The following GLRA2 variants were observed in gnomAD, a reference collection of about 807,000 sequenced individuals.
GLRA2 encodes the protein glycine receptor subunit alpha-2.
Under a neutral mutation model 31.6 loss-of-function variants are expected in GLRA2, and 11 were observed. The ratio of observed to expected loss-of-function variants is 0.35; its 90% CI spans 0.22 to 0.58. The LOEUF (loss-of-function observed/expected upper bound fraction) is 0.58, where lower values mean the gene tolerates loss of function less well. Ranked by LOEUF, GLRA2 falls within the 20% of genes least tolerant of loss-of-function variation. The probability of loss-of-function intolerance (pLI) is 0.84; values close to 1 mark genes in which losing one functional copy is unlikely to be tolerated. For missense variants in GLRA2, 212 were observed against 351.8 expected (o/e 0.60, Z 3.18); for synonymous variants, 132 against 134.0 (o/e 0.99, Z 0.10).
chrX:14,547,239 C>A (rs983232264), intron 2 of GLRA2, among the ~76,000 whole-genome samples: 1 of 110,898 alleles, frequency 9.0e-6, no homozygotes, highest in Non-Finnish European at 1.9e-5. Context: ...CTCTGGGGTG[C>A]CTGATTGCCT....
the GLRA2 span, among the ~76,000 whole-genome samples, chrX:14,451,941 A>AT: frequency 1.8e-4 from 20 of 111,664 alleles, no homozygotes; most frequent in Non-Finnish European, 3.0e-4. Flanking sequence ...TGCACCCAAC[A>AT]TTTTTTTCTA....
intron 7 of GLRA2, among the ~76,000 whole-genome samples, chrX:14,679,427 TAAA>T (rs373479993): frequency 9.7e-6 from 1 of 102,690 alleles, no homozygotes; most frequent in African/African-American, 3.6e-5. Flanking sequence ...TGATGATTGT[TAAA>T]AAAAAAAAGA....
intron 7 of GLRA2, among the ~76,000 whole-genome samples, chrX:14,675,579 T>C (rs1391174250): frequency 2.7e-5 from 3 of 111,405 alleles, no homozygotes; most frequent in African/African-American, 9.8e-5. Flanking sequence ...CTACTCAGTA[T>C]AGAACTCAAC....
chrX:14,596,327 C>T (rs1354224528), intron 4 of GLRA2, among the ~76,000 whole-genome samples: 1 of 111,234 alleles, frequency 9.0e-6, no homozygotes, highest in Non-Finnish European at 1.9e-5. Context: ...AGAAACTGTC[C>T]TCCTAACCCT....
chrX:14,698,038 TATCTC>T (rs1322132177), intron 8 of GLRA2, among the ~76,000 whole-genome samples: 2 of 111,734 alleles, frequency 1.8e-5, no homozygotes, highest in African/African-American at 6.5e-5. Flanking sequence ...ATACTGTTCT[TATCTC>T]AATTTACAGA....
the GLRA2 span, among the ~76,000 whole-genome samples, chrX:14,478,373 C>T: frequency 8.9e-6 from 1 of 111,857 alleles, no homozygotes. Flanking sequence ...TACAAGCTAT[C>T]TTTCAACTTG....
chrX:14,509,144 A>C, the GLRA2 span, among the ~76,000 whole-genome samples: 6 of 112,320 alleles, frequency 5.3e-5, no homozygotes, highest in Non-Finnish European at 1.1e-4. Context: ...TCATCTATGG[A>C]ATGTGTTCTG....
At chrX:14,574,456 C>T (rs770087369) in intron 3 of GLRA2, 56 bp downstream of exon 3, 3 of 1,163,821 alleles carry the variant, frequency 2.6e-6, no homozygotes, top group African/African-American at 1.8e-5. Flanking sequence ...ATGCTGTGAA[C>T]ACAAACTGTC....
intron 7 of GLRA2, among the ~76,000 whole-genome samples, chrX:14,614,841 C>T (rs1221261169): frequency 8.9e-6 from 1 of 111,840 alleles, no homozygotes; most frequent in Non-Finnish European, 1.9e-5. Flanking sequence ...TGGGTATAAA[C>T]CACCTTCTAT....
intron 7 of GLRA2, among the ~76,000 whole-genome samples, chrX:14,622,523 T>C (rs2090533330): frequency 8.9e-6 from 1 of 112,133 alleles, no homozygotes; most frequent in Non-Finnish European, 1.9e-5. Context: ...CTTGAATTGA[T>C]TTTTGTATAA....
At chrX:14,565,848 A>G (rs1437591565) in intron 2 of GLRA2, among the ~76,000 whole-genome samples, 3 of 111,899 alleles carry the variant, frequency 2.7e-5, no homozygotes, top group South Asian at 7.4e-4. Flanking sequence ...AGGAAAATGT[A>G]TAATATAAAT....
intron 2 of GLRA2, among the ~76,000 whole-genome samples, chrX:14,564,881 CAAAG>C (rs1458613003): frequency 9.2e-6 from 1 of 109,202 alleles, no homozygotes; most frequent in African/African-American, 3.3e-5. Context: ...ATGGTAATCA[CAAAG>C]AAAATATGTG....
chrX:14,697,190 CACT>C lies in GLRA2; in HGVS notation c.1080+6334_1080+6336del, dbSNP rs2091461187. On this transcript the variant is annotated intron_variant, in intron 8 of 8. Transcript: ENST00000218075. ...TACATATAGTAATTCATTTAATCAC[CACT>C]ACAACTGTGTGAGTAATGCAATCAT... Among the ~76,000 whole-genome samples, 5 of 111,883 alleles carry C rather than the reference CACT, an allele frequency of 4.5e-5. No homozygotes were observed. The South Asian group carries it at 1.5e-3, about 33-fold the overall frequency.
Position 14,557,718 on chromosome X carries a change from CAG to C in GLRA2, c.203-16614_203-16613del, listed in dbSNP as rs748751287. Among the ~76,000 whole-genome samples, 8 of 111,380 alleles carry C rather than the reference CAG, an allele frequency of 7.2e-5. No homozygotes were observed. In the East Asian group the frequency reaches 2.3e-3, roughly 32 times the overall value. ...TTAGACACATTTCTGATTGTCACAA[CAG>C]GGGGTGTGGGAGAAGTGGTGCTACT... is the stretch of plus-strand genomic sequence containing the variant. On this transcript the variant is annotated intron_variant, in intron 2 of 8. Transcript: ENST00000218075.
the GLRA2 span, among the ~76,000 whole-genome samples, chrX:14,485,712 G>A: frequency 3.6e-5 from 4 of 111,299 alleles, no homozygotes; most frequent in African/African-American, 1.3e-4. Context: ...CACCACTCTG[G>A]TCCCATCTGC....
At chrX:14,712,757 G>A (rs1290478479) in intron 8 of GLRA2, among the ~76,000 whole-genome samples, 1 of 111,220 alleles carries the variant, frequency 9.0e-6, no homozygotes, top group East Asian at 2.8e-4. Flanking sequence ...AAAACCAAGT[G>A]TTCACAGAAA....
chrX:14,638,111 A>G (rs1380094262), intron 7 of GLRA2, among the ~76,000 whole-genome samples: 1 of 111,380 alleles, frequency 9.0e-6, no homozygotes, highest in East Asian at 2.8e-4. Context: ...AAAAAGGGTT[A>G]TTGAAATGGC....
chrX:14,671,922 C>G (rs2091097730), intron 7 of GLRA2, among the ~76,000 whole-genome samples: 1 of 112,108 alleles, frequency 8.9e-6, no homozygotes, highest in Non-Finnish European at 1.9e-5. Context: ...GAGTAGAGGG[C>G]CTGAAGGCTG....
rs202147479 is a variant in GLRA2 at position 14,568,708 on chromosome X, A to G, written c.203-5625A>G. The stretch of plus-strand genomic sequence containing the variant: ...ACTCTGTCTCAAAAAAAAAAAAAAA[A>G]AGAAAAGAAAAAAAAGAAATAGTGC... On this transcript the variant is annotated intron_variant, in intron 2 of 8. Coordinates refer to ENST00000218075, the MANE Select transcript of GLRA2 (RefSeq NM_002063.4). Among the ~76,000 whole-genome samples, 66 of 62,027 alleles carry G rather than the reference A, an allele frequency of 1.1e-3. 4 individuals carry two copies. Among genetic ancestry groups the G allele is most frequent in the South Asian group, 1.8e-3 (3 of 1,624 alleles). 53.9% of individuals were successfully genotyped at this position (62,027 alleles called of 115,157 possible).
Sources: gnomAD v4.1 joint callset for allele counts (sites outside exome capture counted in the v4.1 genomes callset) on GRCh38, gnomAD v4.1.1 for gene constraint, MANE v1.5 for transcripts, NCBI Gene and HGNC (gene_info 2026-07-23, HGNC 2026-07-21) for gene names.